The following ADAM2 variants were observed in gnomAD, a reference collection of about 807,000 sequenced individuals.
ADAM2 encodes the protein disintegrin and metalloproteinase domain-containing protein 2.
In ADAM2, 101 loss-of-function variants were observed where a neutral mutation model predicts 99.3. The observed-to-expected ratio is 1.02, with a 90% CI of 0.87 to 1.20. The LOEUF (loss-of-function observed/expected upper bound fraction) is 1.20, where lower values mean the gene tolerates loss of function less well. ADAM2 is among the 50% of genes most tolerant of loss of function. ADAM2 has a pLI of 0.00. For synonymous variants in ADAM2, 323 were observed against 287.6 expected (o/e 1.12, Z -1.25); for missense variants, 948 against 878.7 (o/e 1.08, Z -1.00).
intron 6 of ADAM2, among the ~76,000 whole-genome samples, chr8:39,820,220 A>T (rs7843224): frequency 0.34 from 52,166 of 151,760 alleles, 11,086 homozygotes; most frequent in African/African-American, 0.61. Flanking sequence ...AGAATAAGCC[A>T]AAGTATTTGA....
intron 10 of ADAM2, among the ~76,000 whole-genome samples, chr8:39,782,653 T>C (rs1355560850): frequency 6.6e-6 from 1 of 152,158 alleles, no homozygotes; most frequent in African/African-American, 2.4e-5. Flanking sequence ...TTATTGCCAT[T>C]AATTGGTTGA....
chr8:39,775,579 T>C (rs1330380836), intron 11 of ADAM2, among the ~76,000 whole-genome samples: 1 of 152,138 alleles, frequency 6.6e-6, no homozygotes, highest in African/African-American at 2.4e-5. Context: ...GGACTCTATA[T>C]GAAACTGACT....
chr8:39,768,929 T>C (rs915951622), intron 12 of ADAM2, among the ~76,000 whole-genome samples: 1 of 152,176 alleles, frequency 6.6e-6, no homozygotes, highest in African/African-American at 2.4e-5. Flanking sequence ...TATCATATAC[T>C]TGAACTTTGC....
intron 4 of ADAM2, among the ~76,000 whole-genome samples, 154 bp downstream of exon 4, chr8:39,824,665 T>A (rs1178647105): frequency 6.6e-6 from 1 of 152,162 alleles, no homozygotes; most frequent in East Asian, 1.9e-4. Flanking sequence ...TAGGGCTAAC[T>A]CAGTACATCA....
intron 10 of ADAM2, among the ~76,000 whole-genome samples, chr8:39,782,059 C>A (rs1803256487): frequency 6.6e-6 from 1 of 152,180 alleles, no homozygotes; most frequent in Non-Finnish European, 1.5e-5. Flanking sequence ...AAACAAATTT[C>A]TTTAATGTGG....
chr8:39,804,518 A>G (rs1804357299), intron 7 of ADAM2, among the ~76,000 whole-genome samples: 1 of 152,062 alleles, frequency 6.6e-6, no homozygotes, highest in Non-Finnish European at 1.5e-5. Context: ...GCTTAAATAT[A>G]AGAGTAGAGA....
chr8:39,765,924 C>A (rs113172944), intron 14 of ADAM2, among the ~76,000 whole-genome samples: 1 of 152,076 alleles, frequency 6.6e-6, no homozygotes, highest in Non-Finnish European at 1.5e-5. Flanking sequence ...CTAAATGTTT[C>A]CTCTGTCAAT....
At chr8:39,804,970 A>G (rs975761811) in intron 7 of ADAM2, among the ~76,000 whole-genome samples, 1 of 152,178 alleles carries the variant, frequency 6.6e-6, no homozygotes, top group Non-Finnish European at 1.5e-5. Flanking sequence ...AAATATCACA[A>G]GCTGAGTAGC....
At chr8:39,836,747 A>T (rs1278861887) in intron 2 of ADAM2, among the ~76,000 whole-genome samples, 2 of 152,238 alleles carry the variant, frequency 1.3e-5, no homozygotes, top group Admixed American at 1.3e-4. Context: ...AATATAACAC[A>T]TCATTAATTC....
intron 7 of ADAM2, among the ~76,000 whole-genome samples, chr8:39,803,426 G>T (rs1804298196): frequency 6.6e-6 from 1 of 152,150 alleles, no homozygotes; most frequent in South Asian, 2.1e-4. Context: ...ATCCCAAGGT[G>T]CCCAGTCAAC....
intron 3 of ADAM2, among the ~76,000 whole-genome samples, chr8:39,830,700 C>G (rs1165060369): frequency 6.6e-6 from 1 of 151,888 alleles, no homozygotes; most frequent in Non-Finnish European, 1.5e-5. Flanking sequence ...TCGCAAGCAT[C>G]AGAACACATT....
intron 3 of ADAM2, among the ~76,000 whole-genome samples, chr8:39,829,999 C>T (rs769912972): frequency 1.8e-4 from 28 of 151,980 alleles, no homozygotes; most frequent in Non-Finnish European, 3.4e-4. Flanking sequence ...AGTAGTGAGA[C>T]GGACTGAGGG....
At chr8:39,837,964 C>T (rs1449299505) in intron 1 of ADAM2, among the ~76,000 whole-genome samples, 167 bp downstream of exon 1, 2 of 152,048 alleles carry the variant, frequency 1.3e-5, no homozygotes, top group Non-Finnish European at 1.5e-5. Context: ...CCTTATTCTA[C>T]GTGGATTTTG....
At chr8:39,805,190 C>A (rs572274635) in intron 7 of ADAM2, among the ~76,000 whole-genome samples, 2 of 152,158 alleles carry the variant, frequency 1.3e-5, no homozygotes, top group Admixed American at 1.3e-4. Flanking sequence ...ACCTCATGAC[C>A]TAATCACCTC....
intron 10 of ADAM2, among the ~76,000 whole-genome samples, chr8:39,786,394 G>A (rs1803467926): frequency 6.6e-6 from 1 of 151,936 alleles, no homozygotes; most frequent in Non-Finnish European, 1.5e-5. Context: ...AGAAACTCCT[G>A]CAGATATTAT....
At chr8:39,766,309 A>G (rs1385487082) in intron 14 of ADAM2, among the ~76,000 whole-genome samples, 1 of 152,212 alleles carries the variant, frequency 6.6e-6, no homozygotes, top group East Asian at 1.9e-4. Context: ...TCTTGAACTC[A>G]GAAGTCCCAT....
chr8:39,750,115 C>T (rs1009412869), intron 16 of ADAM2, among the ~76,000 whole-genome samples: 9 of 151,986 alleles, frequency 5.9e-5, no homozygotes, highest in Non-Finnish European at 8.8e-5. Flanking sequence ...CAGTTAAAAC[C>T]TTCTCATTGA....
At chr8:39,785,755 C>T (rs978543079) in intron 10 of ADAM2, among the ~76,000 whole-genome samples, 4 of 148,512 alleles carry the variant, frequency 2.7e-5, no homozygotes, top group African/African-American at 1.0e-4. Flanking sequence ...CGAGATTGTG[C>T]TATTGCACTC....
intron 7 of ADAM2, among the ~76,000 whole-genome samples, chr8:39,801,938 C>T (rs1804231267): frequency 6.6e-6 from 1 of 152,084 alleles, no homozygotes; most frequent in Non-Finnish European, 1.5e-5. Context: ...GGAGCTTAGG[C>T]AGTTGCTAGT....
Sources: allele counts gnomAD v4.1 joint callset (sites outside exome capture counted in the v4.1 genomes callset), GRCh38; gene constraint gnomAD v4.1.1; transcripts MANE v1.5; gene names NCBI Gene and HGNC (gene_info 2026-07-23, HGNC 2026-07-21).